The following LRRC4C variants were observed in gnomAD, a reference collection of about 807,000 sequenced individuals.
LRRC4C encodes the protein leucine rich repeat containing 4C, also known as leucine-rich repeat-containing protein 4C.
In LRRC4C, 5 loss-of-function variants were observed where a neutral mutation model predicts 33.6. The ratio of observed to expected loss-of-function variants is 0.15; its 90% CI spans 0.08 to 0.31. The LOEUF (loss-of-function observed/expected upper bound fraction) is 0.31. LRRC4C is among the 10% of genes least tolerant of loss of function. The probability of loss-of-function intolerance (pLI) is 1.00; values close to 1 mark genes in which losing one functional copy is unlikely to be tolerated. For synonymous variants in LRRC4C, 329 were observed against 302.0 expected (o/e 1.09, Z -0.93); for missense variants, 560 against 796.7 (o/e 0.70, Z 3.58).
At chr11:40,595,667 T>A (rs1004484785) in intron 3 of LRRC4C, among the ~76,000 whole-genome samples, 1 of 152,092 alleles carries the variant, frequency 6.6e-6, no homozygotes, top group Non-Finnish European at 1.5e-5. Flanking sequence ...TTTCTTTCTT[T>A]CTCTGATTTC....
At chr11:40,265,238 A>G (rs1160465191) in intron 4 of LRRC4C, among the ~76,000 whole-genome samples, 1 of 151,960 alleles carries the variant, frequency 6.6e-6, no homozygotes, top group Non-Finnish European at 1.5e-5. Flanking sequence ...TCTGTCTTTC[A>G]TTATCTTCTT....
intron 4 of LRRC4C, among the ~76,000 whole-genome samples, chr11:40,291,711 C>T (rs916543387): frequency 2.0e-5 from 3 of 152,184 alleles, no homozygotes; most frequent in Non-Finnish European, 4.4e-5. Flanking sequence ...AGCCAGAAGC[C>T]ACCCTTCATC....
intron 1 of LRRC4C, among the ~76,000 whole-genome samples, chr11:41,368,607 C>G (rs948419607): frequency 7.9e-5 from 12 of 152,240 alleles, no homozygotes; most frequent in African/African-American, 1.2e-4. Flanking sequence ...AATCATTATC[C>G]AGTGTTGGTC....
At chr11:40,136,396 A>T (rs922115422) in intron 6 of LRRC4C, among the ~76,000 whole-genome samples, 7 of 150,596 alleles carry the variant, frequency 4.6e-5, no homozygotes, top group Admixed American at 6.6e-5. Context: ...CCTCCCGAGT[A>T]GCTGGGACTA....
intron 3 of LRRC4C, among the ~76,000 whole-genome samples, chr11:40,390,583 T>A (rs1282895546): frequency 6.6e-6 from 1 of 152,200 alleles, no homozygotes; most frequent in Non-Finnish European, 1.5e-5. Flanking sequence ...ATTAATTAGG[T>A]CAAATAATCC....
intron 2 of LRRC4C, among the ~76,000 whole-genome samples, chr11:40,665,364 GTATA>G (rs1189493857): frequency 8.9e-4 from 22 of 24,582 alleles, no homozygotes; most frequent in Non-Finnish European, 1.3e-3. Context: ...ATATATATAT[GTATA>G]TATATATATA....
chr11:40,304,305 G>GA (rs1277226336), intron 4 of LRRC4C, among the ~76,000 whole-genome samples: 1 of 152,094 alleles, frequency 6.6e-6, no homozygotes, highest in Non-Finnish European at 1.5e-5. Flanking sequence ...AATGCCACCG[G>GA]ATTTCAAATG....
intron 2 of LRRC4C, among the ~76,000 whole-genome samples, chr11:40,772,932 A>C (rs906767161): frequency 6.6e-6 from 1 of 152,340 alleles, no homozygotes; most frequent in Admixed American, 6.5e-5. Context: ...CACAATAGTC[A>C]AGATTTGGAA....
intron 3 of LRRC4C, among the ~76,000 whole-genome samples, chr11:40,397,965 AC>A (rs1022581409): frequency 6.6e-6 from 1 of 152,112 alleles, no homozygotes; most frequent in African/African-American, 2.4e-5. Flanking sequence ...TCCATTGGAT[AC>A]TATAATGATG....
At chr11:41,317,586 T>G (rs1176152320) in intron 1 of LRRC4C, among the ~76,000 whole-genome samples, 1 of 152,146 alleles carries the variant, frequency 6.6e-6, no homozygotes, top group African/African-American at 2.4e-5. Flanking sequence ...GAGACTATTT[T>G]CCTATAGTTA....
intron 2 of LRRC4C, among the ~76,000 whole-genome samples, chr11:40,737,483 C>T (rs1410595481): frequency 6.6e-6 from 1 of 151,952 alleles, no homozygotes; most frequent in African/African-American, 2.4e-5. Context: ...TCGTCTCAGC[C>T]CAAAATCTCC....
intron 2 of LRRC4C, among the ~76,000 whole-genome samples, chr11:40,806,769 T>A (rs903485305): frequency 3.9e-5 from 6 of 152,224 alleles, no homozygotes; most frequent in Admixed American, 3.3e-4. Context: ...ATCTGCTTAC[T>A]ACATCTACTA....
rs921719373 is a variant in LRRC4C, at chr11:40,934,288, C to T, written c.-495-565G>A. Among the ~76,000 whole-genome samples, 17 of 152,230 alleles carry T rather than the reference C, an allele frequency of 1.1e-4. No individual in the cohort carries two copies. The East Asian group carries it at 2.3e-3, about 21-fold the overall frequency. ...AATCAAAACTAATCTCTACCTCATCCGTAATCCCACAGACCTTTGTTTGTC... is the reference window on the plus strand; with the variant it reads ...AATCAAAACTAATCTCTACCTCATCTGTAATCCCACAGACCTTTGTTTGTC... On this transcript the variant is annotated intron_variant, in intron 1 of 6. Coordinates refer to ENST00000528697, the MANE Select transcript of LRRC4C (RefSeq NM_001258419.2).
At chr11:40,948,388 T>C (rs1279477958) in intron 1 of LRRC4C, among the ~76,000 whole-genome samples, 2 of 152,100 alleles carry the variant, frequency 1.3e-5, no homozygotes, top group South Asian at 2.1e-4. Flanking sequence ...TTATTATACT[T>C]TAAGTTTTAG....
chr11:41,422,777 G>A (rs927576913), intron 1 of LRRC4C, among the ~76,000 whole-genome samples: 4 of 117,508 alleles, frequency 3.4e-5, no homozygotes, highest in Non-Finnish European at 7.5e-5. Flanking sequence ...GCTTTCTCAA[G>A]TAGATTTTTT....
intron 3 of LRRC4C, among the ~76,000 whole-genome samples, chr11:40,616,580 A>G (rs1393476534): frequency 6.6e-6 from 1 of 151,894 alleles, no homozygotes; most frequent in Non-Finnish European, 1.5e-5. Context: ...CTATGCAGCC[A>G]TTAAAAATGA....
chr11:41,108,616 A>G (rs1803217853), intron 1 of LRRC4C, among the ~76,000 whole-genome samples: 2 of 152,160 alleles, frequency 1.3e-5, no homozygotes, highest in African/African-American at 4.8e-5. Flanking sequence ...TGTATATTGT[A>G]TGAAGCTGAA....
intron 2 of LRRC4C, among the ~76,000 whole-genome samples, chr11:40,924,744 T>A (rs572467262): frequency 1.3e-5 from 2 of 152,212 alleles, no homozygotes; most frequent in South Asian, 4.1e-4. Context: ...TATTGAAATA[T>A]CATATATATA....
rs190471985 is a variant in LRRC4C, at chr11:40,447,687, C to A, written c.-269-127966G>T. Among the ~76,000 whole-genome samples the A allele has an allele frequency of 7.2e-5, 11 of 152,310 alleles. No individual in the cohort carries two copies. The East Asian group carries it at 1.9e-3, about 27-fold the overall frequency. On this transcript the variant is annotated intron_variant, in intron 3 of 6. Transcript: ENST00000528697. Reference sequence around the variant, plus strand: ...CTTCCCATCTAAGCAAACTCTCCGTCTCTAAGTGAAGGCTTCTGCGTGGAT... The same window carrying A: ...CTTCCCATCTAAGCAAACTCTCCGTATCTAAGTGAAGGCTTCTGCGTGGAT...
Sources: allele counts gnomAD v4.1 joint callset (sites outside exome capture counted in the v4.1 genomes callset), GRCh38; gene constraint gnomAD v4.1.1; transcripts MANE v1.5; gene names NCBI Gene and HGNC (gene_info 2026-07-23, HGNC 2026-07-21).